Variants in MS4A14 observed in about 807,000 individuals in gnomAD.
MS4A14 encodes the protein membrane-spanning 4-domains subfamily A member 14.
Under a neutral mutation model 16.7 loss-of-function variants are expected in MS4A14, and 18 were observed. The ratio of observed to expected loss-of-function variants is 1.08; its 90% CI spans 0.75 to 1.60. The LOEUF (loss-of-function observed/expected upper bound fraction) is 1.60. Ranked by LOEUF, MS4A14 falls within the 40% of genes most tolerant of loss-of-function variation. The pLI, the probability that MS4A14 is intolerant of heterozygous loss-of-function variation, is 0.00. For synonymous variants in MS4A14, 305 were observed against 289.4 expected (o/e 1.05, Z -0.55); for missense variants, 812 against 775.3 (o/e 1.05, Z -0.56).
In MS4A14 at chr11:60,416,729, A is replaced by G; in HGVS notation, c.1761A>G (p.Lys587=). 1 of 1,613,742 alleles carries G rather than the reference A, an allele frequency of 6.2e-7. No homozygotes were observed. The highest frequency in any genetic ancestry group is 8.5e-7 in the Non-Finnish European group (1 of 1,179,878). Residue 587 remains lysine, a synonymous_variant, in exon 5 of 5, where the codon AAA becomes AAG. Coordinates refer to ENST00000300187, the MANE Select transcript of MS4A14 (RefSeq NM_032597.5). ...GACAATCTAAAGATGGACAAGTTAA[A>G]GACCAGCAGACTGATAAGGAGCAAA... ...PEGQSKDGQV[K]DQQTDKEQNS...
Position 60,416,109 on chromosome 11 carries a change from C to A in MS4A14, c.1141C>A (p.Gln381Lys). 6.2e-7 allele frequency: 1 copy of A among 1,609,290 alleles called. No individual in the cohort carries two copies. The highest frequency in any genetic ancestry group is 8.5e-7 in the Non-Finnish European group (1 of 1,177,636). The change falls in exon 5 of 5, where the codon CAA becomes AAA. Residue 381 changes from glutamine (Q) to lysine (K), a missense_variant. Coordinates refer to ENST00000300187, the MANE Select transcript of MS4A14 (RefSeq NM_032597.5). ...TCATGACATGACATCCCAAGATATG[C>A]AATCCCTAGATATGCTATCTCAAGA... ...LFHDMTSQDM[Q>K]SLDMLSQDTP...
chr11:60,400,379 C>A (rs1316396085), intron 2 of MS4A14, 25 bp from the exon 3 acceptor site: 2 of 1,556,048 alleles, frequency 1.3e-6, no homozygotes, highest in African/African-American at 2.7e-5. Flanking sequence ...CACCTGTTAA[C>A]TTTTGTCTCT....
In MS4A14 at chr11:60,397,075, G is replaced by A. The variant is rs1054326226; in HGVS notation, c.138+359G>A. Among the ~76,000 whole-genome samples, 8 of 152,242 alleles carry A rather than the reference G, an allele frequency of 5.3e-5. No individual in the cohort carries two copies. In the East Asian group the frequency reaches 1.2e-3, roughly 22 times the overall value. ...GCTCCACAGTGAACCAAATGATAAGGCATGCAAAACGTTTTTCATCACAAA... is the reference window on the plus strand; with the variant it reads ...GCTCCACAGTGAACCAAATGATAAGACATGCAAAACGTTTTTCATCACAAA... On this transcript the variant is annotated intron_variant, in intron 1 of 4. Transcript: ENST00000300187.
intron 4 of MS4A14, among the ~76,000 whole-genome samples, chr11:60,408,508 A>G (rs1359293262): frequency 7.2e-5 from 11 of 152,086 alleles, no homozygotes; most frequent in African/African-American, 2.7e-4. Flanking sequence ...TACTTTCTAT[A>G]TTATGAATTT....
In MS4A14 at chr11:60,408,591, G is replaced by C. The variant is rs148894737; in HGVS notation, c.468+5530G>C. 5.4e-3 allele frequency among the ~76,000 whole-genome samples: 825 copies of C among 152,164 alleles called. 7 individuals are homozygous for C. Among genetic ancestry groups the C allele is most frequent in the Non-Finnish European group, 8.3e-3 (566 of 68,010 alleles). ...TTCTCTAACTGGCTTATTTGAGTAA[G>C]CATAATATTTTCAAGATTAATCCAT... On this transcript the variant is annotated intron_variant, in intron 4 of 4. Coordinates refer to ENST00000300187, the MANE Select transcript of MS4A14 (RefSeq NM_032597.5).
Position 60,415,498 on chromosome 11 carries a change from A to G in MS4A14, c.530A>G (p.Asn177Ser), listed in dbSNP as rs148391374. Residue 177 changes from asparagine (N) to serine (S), a missense_variant, in exon 5 of 5, where the codon AAT (asparagine) becomes AGT (serine). By Grantham distance (46) the Asn-to-Ser change is conservative. Transcript: ENST00000300187. ...AGTGAACAACCTGCCCCAGAAGAAA[A>G]TGATCAATTACAATTTGTGCTTCAA... Reference protein sequence around the residue: ...QNSEQPAPEENDQLQFVLQEE... With the variant: ...QNSEQPAPEESDQLQFVLQEE... The G allele has an allele frequency of 3.9e-4, 635 of 1,613,480 alleles. No homozygotes were observed. The highest frequency in any genetic ancestry group is 4.3e-4 in the Non-Finnish European group (505 of 1,179,654).
At chr11:60,402,789 C>A (rs930496589) in intron 3 of MS4A14, 123 bp from the exon 4 acceptor site, 5 of 964,908 alleles carry the variant, frequency 5.2e-6, no homozygotes, top group Non-Finnish European at 7.8e-6. Context: ...ATCATACTGA[C>A]CTGATGGAAC....
At chr11:60,413,544 C>A (rs1164234530) in intron 4 of MS4A14, among the ~76,000 whole-genome samples, 1 of 151,920 alleles carries the variant, frequency 6.6e-6, no homozygotes, top group East Asian at 1.9e-4. Context: ...ATGCTTTCAT[C>A]TTTATCGTAT....
chr11:60,415,686 T>C lies in MS4A14; in HGVS notation c.718T>C (p.Ser240Pro), dbSNP rs757995915. Residue 240 changes from serine to proline, a missense_variant, in exon 5 of 5, where the codon TCT (serine) becomes CCT (proline). By Grantham distance (74) the Ser-to-Pro change is moderately conservative (BLOSUM62 -1). Transcript: ENST00000300187. ...PDEQKQSILP[S>P]PKFSEEEIEP... ...TGAACAAAAGCAAAGTATCCTTCCATCTCCCAAATTTTCAGAGGAAGAAAT... is the reference window on the plus strand; with the variant it reads ...TGAACAAAAGCAAAGTATCCTTCCACCTCCCAAATTTTCAGAGGAAGAAAT... 5.0e-6 allele frequency: 8 copies of C among 1,613,828 alleles called. No individual in the cohort carries two copies. The highest frequency in any genetic ancestry group is 6.8e-6 in the Non-Finnish European group (8 of 1,179,882).
rs2085931415 is a variant in MS4A14 at position 60,415,820 on chromosome 11, A to T, written c.852A>T (p.Val284=). 3 of 1,613,992 alleles carry T rather than the reference A, an allele frequency of 1.9e-6. No homozygotes were observed. In the East Asian group the frequency reaches 6.7e-5, roughly 36 times the overall value. ...MKDEDLQSAI[V]QPSQMQTKLL... is the part of the protein sequence containing the mutation. ...ATGAAGATCTACAATCTGCTATTGT[A>T]CAACCTTCTCAAATGCAAACCAAGC... The change falls in exon 5 of 5, where the codon GTA becomes GTT. Residue 284 remains valine, a synonymous_variant. Coordinates refer to ENST00000300187, the MANE Select transcript of MS4A14 (RefSeq NM_032597.5).
chr11:60,416,741 T>C lies in MS4A14; in HGVS notation c.1773T>C (p.Thr591=), dbSNP rs765005921. The C allele has an allele frequency of 3.7e-6, 6 of 1,613,408 alleles. No homozygotes were observed. Among genetic ancestry groups the C allele is most frequent in the Non-Finnish European group, 5.1e-6 (6 of 1,179,844 alleles). The stretch of plus-strand genomic sequence containing the variant: ...ATGGACAAGTTAAAGACCAGCAGAC[T>C]GATAAGGAGCAAAACTCAAAGAAGC... ...SKDGQVKDQQ[T]DKEQNSKKQT... is the part of the protein sequence containing the mutation. The change falls in exon 5 of 5, where the codon ACT becomes ACC. Residue 591 remains threonine (T), a synonymous_variant. Transcript: ENST00000300187.
At chr11:60,403,278 T>C in intron 4 of MS4A14, 6 of 528,184 alleles carry the variant, frequency 1.1e-5, no homozygotes, top group Non-Finnish European at 2.0e-5. Context: ...CTTGGCCTAA[T>C]ATTGTATTCT....
rs764530375 is a variant in MS4A14, at chr11:60,403,099, C to T, written c.468+38C>T. 5 of 1,583,672 alleles carry T rather than the reference C, an allele frequency of 3.2e-6. No individual in the cohort carries two copies. The African/African-American group carries it at 6.7e-5, about 21-fold the overall frequency. The stretch of plus-strand genomic sequence containing the variant: ...ATTTTGCATGAAGAATCCCTAAAAT[C>T]TTCTCTGAACTGTGTCCATGATGTA... On this transcript the variant is annotated intron_variant, in intron 4 of 4. Transcript: ENST00000300187.
Position 60,397,982 on chromosome 11 carries a change from T to A in MS4A14, c.267+2T>A. The stretch of plus-strand genomic sequence containing the variant: ...TATCCATTCTGGGGAGCACTTATTG[T>A]GAGTACTGTCGATTAGAAGCTTTGG... On this transcript the variant is annotated splice_donor_variant, in intron 2 of 4. Transcript: ENST00000300187. LOFTEE classifies it high-confidence loss of function. 1 of 1,612,986 alleles carries A rather than the reference T, an allele frequency of 6.2e-7. No homozygotes were observed. Among genetic ancestry groups the A allele is most frequent in the Non-Finnish European group, 8.5e-7 (1 of 1,179,270 alleles).
Position 60,396,856 on chromosome 11 carries a change from A to G in MS4A14, c.138+140A>G, listed in dbSNP as rs1456113625. The G allele has an allele frequency of 3.5e-6, 3 of 847,924 alleles. No homozygotes were observed. The African/African-American group carries it at 5.1e-5, about 15-fold the overall frequency. The allele number at this position is 847,924 out of a possible 1,614,324, so 52.5% of individuals were successfully genotyped here. A position where few individuals can be genotyped will look rare whatever the true frequency, so the allele number is the denominator to read the frequency against. ...TTTCCCCCTTCACCTTACATGAGAA[A>G]TTAGTACTGATCTTTGAATCCCAGC... On this transcript the variant is annotated intron_variant, in intron 1 of 4. Coordinates refer to ENST00000300187, the MANE Select transcript of MS4A14 (RefSeq NM_032597.5).
chr11:60,401,573 C>T (rs778017211), intron 3 of MS4A14, among the ~76,000 whole-genome samples: 5 of 152,128 alleles, frequency 3.3e-5, no homozygotes, highest in African/African-American at 4.8e-5. Flanking sequence ...TTCCACAAAC[C>T]GTGAAAGTGA....
At chr11:60,401,361 T>C (rs2085710690) in intron 3 of MS4A14, among the ~76,000 whole-genome samples, 1 of 152,206 alleles carries the variant, frequency 6.6e-6, no homozygotes, top group Non-Finnish European at 1.5e-5. Context: ...TCCCTGCTTA[T>C]GGAAATACAT....
intron 2 of MS4A14, 85 bp downstream of exon 2, chr11:60,398,065 T>A: frequency 6.8e-7 from 1 of 1,471,838 alleles, no homozygotes. Context: ...ATGAATTCCA[T>A]AAATATGGCC....
chr11:60,417,142 C>A lies in MS4A14; in HGVS notation c.*134C>A. On this transcript the variant is annotated 3_prime_UTR_variant, in exon 5 of 5. Coordinates refer to ENST00000300187, the MANE Select transcript of MS4A14 (RefSeq NM_032597.5). Reference sequence around the variant, plus strand: ...TATACCAAGAAGTCCAAACCCAGCACGCAACAGCCCAACATAACCTAGAAT... The same window carrying A: ...TATACCAAGAAGTCCAAACCCAGCAAGCAACAGCCCAACATAACCTAGAAT... The A allele has an allele frequency of 9.4e-7, 1 of 1,062,430 alleles. No homozygotes were observed. The highest frequency in any genetic ancestry group is 1.3e-6 in the Non-Finnish European group (1 of 762,092). The allele number at this position is 1,062,430 out of a possible 1,614,324, so 65.8% of individuals were successfully genotyped here. A position where few individuals can be genotyped will look rare whatever the true frequency, so the allele number is the denominator to read the frequency against.
Sources: gnomAD v4.1 joint callset for allele counts (sites outside exome capture counted in the v4.1 genomes callset) on GRCh38, gnomAD v4.1.1 for gene constraint, MANE v1.5 for transcripts, NCBI Gene and HGNC (gene_info 2026-07-23, HGNC 2026-07-21) for gene names.